NAALADL2: variants seen among roughly 807,000 people sequenced by gnomAD.
The protein encoded by NAALADL2 is inactive N-acetylated-alpha-linked acidic dipeptidase-like protein 2.
Under a neutral mutation model 87.2 loss-of-function variants are expected in NAALADL2, and 76 were observed. That is an observed-to-expected ratio of 0.87 (90% CI 0.72 to 1.05). The LOEUF is 1.05. NAALADL2 is among the 50% of genes least tolerant of loss of function. The probability of loss-of-function intolerance (pLI) is 0.00; values close to 1 mark genes in which losing one functional copy is unlikely to be tolerated. For synonymous variants in NAALADL2, 354 were observed against 331.0 expected, an observed-to-expected ratio of 1.07 and a Z score of -0.75; for missense variants, 1,089 against 945.8, an observed-to-expected ratio of 1.15 and a Z score of -1.99.
chr3:175,007,478 T>C (rs1175814061), intron 1 of NAALADL2, among the ~76,000 whole-genome samples: 1 of 152,176 alleles, frequency 6.6e-6, no homozygotes. Context: ...AGTTCATTTT[T>C]TGTGAGGTCT....
chr3:174,792,822 T>C (rs1016304720), intron 3 of NAALADL2, among the ~76,000 whole-genome samples: 2 of 152,174 alleles, frequency 1.3e-5, no homozygotes, highest in Non-Finnish European at 2.9e-5. Flanking sequence ...TAAGGAGTAG[T>C]AGCAAGCATA....
intron 6 of NAALADL2, among the ~76,000 whole-genome samples, chr3:175,451,478 T>C (rs1473896819): frequency 6.6e-6 from 1 of 152,198 alleles, no homozygotes; most frequent in Non-Finnish European, 1.5e-5. Flanking sequence ...ATTCAACGTA[T>C]TGTCAATATT....
At chr3:174,514,995 A>AATGTTT (rs1245887738) in intron 1 of NAALADL2, among the ~76,000 whole-genome samples, 1 of 152,136 alleles carries the variant, frequency 6.6e-6, no homozygotes, top group Non-Finnish European at 1.5e-5. Flanking sequence ...ACTTATAAAG[A>AATGTTT]ATGTTTACAA....
At chr3:175,280,328 A>ACTTT (rs1754126424) in intron 4 of NAALADL2, among the ~76,000 whole-genome samples, 1 of 152,148 alleles carries the variant, frequency 6.6e-6, no homozygotes, top group Non-Finnish European at 1.5e-5. Context: ...GACCAAGGAG[A>ACTTT]AGGCAGTTTA....
chr3:174,898,932 T>A (rs535623426), intron 1 of NAALADL2, among the ~76,000 whole-genome samples: 1 of 152,288 alleles, frequency 6.6e-6, no homozygotes, highest in Non-Finnish European at 1.5e-5. Flanking sequence ...AGTAGTTGCA[T>A]GGGTGTTCAC....
In NAALADL2 at chr3:175,542,524, C is replaced by T. The variant is rs34071739; in HGVS notation, c.1654-33517C>T. Among the ~76,000 whole-genome samples the T allele has an allele frequency of 5.4e-3, 822 of 152,208 alleles. 5 individuals carry two copies. Among genetic ancestry groups the T allele is most frequent in the Middle Eastern group, 0.014 (4 of 294 alleles). On this transcript the variant is annotated intron_variant, in intron 9 of 13. Coordinates refer to ENST00000454872, the MANE Select transcript of NAALADL2 (RefSeq NM_207015.3). The stretch of plus-strand genomic sequence containing the variant: ...GGTTTCACATCTTGTGAATGAATGA[C>T]GTATTTTCTTTTTTTAGTAGAGACG...
At position 174,973,224 on chromosome 3, in the gene NAALADL2, C is replaced by CA. The variant is rs1181847110; in HGVS notation, c.43+113778dup. On this transcript the variant is annotated intron_variant, in intron 1 of 13. Transcript: ENST00000454872. ...TTAAAGAAGTAATTATTTGATAACA[C>CA]AAAACCAAAACATTTTCAATTTTAA... Among the ~76,000 whole-genome samples the CA allele has an allele frequency of 5.6e-4, 85 of 152,234 alleles. 1 individual carries two copies. The highest frequency in any genetic ancestry group is 1.8e-3 in the African/African-American group (75 of 41,524).
chr3:175,288,022 C>T (rs1427188744), intron 4 of NAALADL2, among the ~76,000 whole-genome samples: 2 of 152,150 alleles, frequency 1.3e-5, no homozygotes, highest in African/African-American at 2.4e-5. Context: ...TCTTATGATA[C>T]ATCAGACAGA....
At chr3:174,987,302 G>GCT (rs1483708806) in intron 1 of NAALADL2, among the ~76,000 whole-genome samples, 1 of 151,906 alleles carries the variant, frequency 6.6e-6, no homozygotes, top group South Asian at 2.1e-4. Flanking sequence ...GGGCGCGGTG[G>GCT]CTCACGCCTG....
At chr3:174,646,561 G>C (rs1723800465) in intron 2 of NAALADL2, among the ~76,000 whole-genome samples, 1 of 151,778 alleles carries the variant, frequency 6.6e-6, no homozygotes, top group Non-Finnish European at 1.5e-5. Flanking sequence ...TCAATAAACA[G>C]TACAAAAATT....
At chr3:174,666,168 C>T (rs1341017165) in intron 2 of NAALADL2, among the ~76,000 whole-genome samples, 1 of 152,010 alleles carries the variant, frequency 6.6e-6, no homozygotes, top group African/African-American at 2.4e-5. Flanking sequence ...GATATACTTA[C>T]CATAGAAGCA....
chr3:174,734,650 T>G (rs1471779083), intron 2 of NAALADL2, among the ~76,000 whole-genome samples: 1 of 152,154 alleles, frequency 6.6e-6, no homozygotes, highest in Admixed American at 6.5e-5. Flanking sequence ...AAGTCTAGGT[T>G]GCATTTAATT....
At chr3:175,773,878 A>C (rs28572309) in intron 13 of NAALADL2, among the ~76,000 whole-genome samples, 1 of 151,994 alleles carries the variant, frequency 6.6e-6, no homozygotes, top group African/African-American at 2.4e-5. Flanking sequence ...ATTTGAGACC[A>C]TGAAGCCAAC....
At chr3:175,666,058 T>A (rs1198815028) in intron 11 of NAALADL2, among the ~76,000 whole-genome samples, 1 of 152,186 alleles carries the variant, frequency 6.6e-6, no homozygotes, top group Non-Finnish European at 1.5e-5. Context: ...ATTAAGAAAC[T>A]TATTCAGTCA....
intron 2 of NAALADL2, among the ~76,000 whole-genome samples, chr3:174,716,758 G>A (rs530389881): frequency 1.3e-5 from 2 of 151,954 alleles, no homozygotes; most frequent in East Asian, 3.9e-4. Context: ...ATACTATAAT[G>A]TATACAAAAT....
chr3:174,559,357 A>G (rs1388215794), intron 2 of NAALADL2, among the ~76,000 whole-genome samples: 1 of 152,170 alleles, frequency 6.6e-6, no homozygotes. Flanking sequence ...TATGCTTCAG[A>G]AGGAATTTGC....
chr3:174,764,644 C>A (rs1054924249), intron 3 of NAALADL2, among the ~76,000 whole-genome samples: 12 of 152,042 alleles, frequency 7.9e-5, no homozygotes, highest in Non-Finnish European at 1.8e-4. Context: ...AAATAAAAAG[C>A]AAACAAAACA....
intron 10 of NAALADL2, among the ~76,000 whole-genome samples, chr3:175,587,892 C>G (rs575273331): frequency 9.9e-5 from 15 of 152,150 alleles, no homozygotes; most frequent in Non-Finnish European, 1.9e-4. Flanking sequence ...GAGGGACAGA[C>G]GACAGACCAG....
intron 12 of NAALADL2, among the ~76,000 whole-genome samples, chr3:175,752,246 G>C (rs1023286612): frequency 6.6e-6 from 1 of 152,020 alleles, no homozygotes; most frequent in Non-Finnish European, 1.5e-5. Context: ...GGGCAGATAA[G>C]GATCAAAATA....
Sources: allele counts gnomAD v4.1 joint callset (sites outside exome capture counted in the v4.1 genomes callset), GRCh38; gene constraint gnomAD v4.1.1; transcripts MANE v1.5; gene names NCBI Gene and HGNC (gene_info 2026-07-23, HGNC 2026-07-21).